Variants in BIRC3 observed in about 807,000 individuals in gnomAD.
The protein encoded by BIRC3 is baculoviral IAP repeat containing 3, also known as baculoviral IAP repeat-containing protein 3.
Under a neutral mutation model 59.0 loss-of-function variants are expected in BIRC3, and 26 were observed. The observed-to-expected ratio is 0.44, with a 90% CI of 0.32 to 0.61. The LOEUF is 0.61. Ranked by LOEUF, BIRC3 falls within the 20% of genes least tolerant of loss-of-function variation. BIRC3 has a pLI of 0.04. For missense variants in BIRC3, 641 were observed against 711.5 expected (o/e 0.90, Z 1.13); for synonymous variants, 243 against 249.2 (o/e 0.98, Z 0.24).
At chr11:102,326,859 C>T (rs1951087975) in intron 3 of BIRC3, 1 of 430,816 alleles carries the variant, frequency 2.3e-6, no homozygotes, top group Non-Finnish European at 4.7e-6. Context: ...CAGGTGCACG[C>T]TAGCATGCCC....
intron 1 of BIRC3, among the ~76,000 whole-genome samples, chr11:102,318,553 A>G (rs866529284): frequency 2.0e-5 from 3 of 152,218 alleles, no homozygotes; most frequent in South Asian, 2.1e-4. Context: ...TTGCCATTCT[A>G]AAAGAGCTTA....
In BIRC3 at chr11:102,337,160, T is replaced by C. The variant is rs1463866588; in HGVS notation, c.*58T>C. The C allele has an allele frequency of 7.9e-7, 1 of 1,262,328 alleles. No homozygotes were observed. The highest frequency in any genetic ancestry group is 1.0e-6 in the Non-Finnish European group (1 of 976,676). 78.2% of individuals were successfully genotyped at this position (1,262,328 alleles called of 1,614,324 possible). A position where few individuals can be genotyped will look rare whatever the true frequency, so the allele number is the denominator to read the frequency against. On this transcript the variant is annotated 3_prime_UTR_variant, in exon 9 of 9. Coordinates refer to ENST00000263464, the MANE Select transcript of BIRC3 (RefSeq NM_001165.5). ...TTAATTTATTAAATGTATTATAACTTTAACTTTTATCCTAATTTGGTTTCC... is the reference window on the plus strand; with the variant it reads ...TTAATTTATTAAATGTATTATAACTCTAACTTTTATCCTAATTTGGTTTCC...
rs1951035484 is a variant in BIRC3, at chr11:102,322,025, A to G, written c.-2485A>G. ...ACTATCCAAAGAATGCTAATTTTAT[A>G]AACATGATCGAGTTATATAAGGTAT... On this transcript the variant is annotated 5_prime_UTR_variant, in exon 2 of 9. In the 5' UTR this introduces an upstream ATG that the reference lacks. Transcript: ENST00000263464. 1 of 195,160 alleles carries G rather than the reference A, an allele frequency of 5.1e-6. No homozygotes were observed. The highest frequency in any genetic ancestry group is 1.9e-4 in the South Asian group (1 of 5,176). 12.1% of individuals were successfully genotyped at this position (195,160 alleles called of 1,614,324 possible). A position where few individuals can be genotyped will look rare whatever the true frequency, so the allele number is the denominator to read the frequency against.
chr11:102,327,583 T>C (rs1178620410), intron 3 of BIRC3, among the ~76,000 whole-genome samples: 12 of 151,708 alleles, frequency 7.9e-5, no homozygotes. Flanking sequence ...GAGGTTACAG[T>C]GAACTGAGAT....
intron 6 of BIRC3, among the ~76,000 whole-genome samples, chr11:102,331,555 G>GA (rs1565324164): frequency 6.6e-6 from 1 of 151,164 alleles, no homozygotes; most frequent in Admixed American, 6.6e-5. Flanking sequence ...TTAACGCTTT[G>GA]AAAATGGAAT....
intron 6 of BIRC3, among the ~76,000 whole-genome samples, chr11:102,333,163 G>T (rs1465016186): frequency 6.6e-6 from 1 of 152,096 alleles, no homozygotes; most frequent in Non-Finnish European, 1.5e-5. Context: ...TGTGTTGTGA[G>T]TGAGTGAATG....
At chr11:102,333,464 G>A (rs1779042423) in intron 6 of BIRC3, among the ~76,000 whole-genome samples, 1 of 151,972 alleles carries the variant, frequency 6.6e-6, no homozygotes, top group African/African-American at 2.4e-5. Flanking sequence ...TACTCAGGAG[G>A]CTGAGGTGGG....
chr11:102,336,572 T>C lies in BIRC3; in HGVS notation c.1580-188T>C, dbSNP rs1034786937. 1.1e-5 allele frequency: 7 copies of C among 630,950 alleles called. No individual in the cohort carries two copies. The African/African-American group carries it at 1.3e-4, about 12-fold the overall frequency. 39.1% of individuals were successfully genotyped at this position (630,950 alleles called of 1,614,324 possible). On this transcript the variant is annotated intron_variant, in intron 7 of 8. Coordinates refer to ENST00000263464, the MANE Select transcript of BIRC3 (RefSeq NM_001165.5). ...TTGTGCCACTGCACTCCAGCTTGGG[T>C]GACAGACTCTGTCTCAAAAAAAAAT... is the stretch of plus-strand genomic sequence containing the variant.
chr11:102,318,188 T>C (rs914713774), intron 1 of BIRC3, among the ~76,000 whole-genome samples: 15 of 152,252 alleles, frequency 9.9e-5, no homozygotes, highest in African/African-American at 3.4e-4. Flanking sequence ...CTCTGAAGAC[T>C]TTACATGTAT....
At position 102,338,714 on chromosome 11, in the gene BIRC3, AATTT is replaced by A. The variant is rs561864558; in HGVS notation, c.*1619_*1622del. On this transcript the variant is annotated 3_prime_UTR_variant, in exon 9 of 9. Transcript: ENST00000263464. ...TGCTATCAAGCAAGGTAGGTCAGAG[AATTT>A]ATTTATGGCCAGCTCTTACATAGTT... is the stretch of plus-strand genomic sequence containing the variant. 27 of 228,440 alleles carry A rather than the reference AATTT, an allele frequency of 1.2e-4. No homozygotes were observed. In the East Asian group the frequency reaches 1.6e-3, roughly 13 times the overall value. The allele number at this position is 228,440 out of a possible 1,614,324, so 14.2% of individuals were successfully genotyped here. A position where few individuals can be genotyped will look rare whatever the true frequency, so the allele number is the denominator to read the frequency against.
intron 6 of BIRC3, among the ~76,000 whole-genome samples, chr11:102,331,533 AT>A (rs142308654): frequency 5.0e-4 from 75 of 148,972 alleles, no homozygotes; most frequent in African/African-American, 1.4e-3. Flanking sequence ...TTCATGGCAC[AT>A]TTTTTTTTTC....
Position 102,324,598 on chromosome 11 carries a change from T to C in BIRC3, c.89T>C (p.Leu30Pro). 6.2e-7 allele frequency: 1 copy of C among 1,614,216 alleles called. No individual in the cohort carries two copies. The highest frequency in any genetic ancestry group is 8.5e-7 in the Non-Finnish European group (1 of 1,180,008). ...CTGAAATACGACTTGTCATGTGAAC[T>C]GTACCGAATGTCTACGTATTCCACT... Reference protein sequence around the residue: ...FELKYDLSCELYRMSTYSTFP... With the variant: ...FELKYDLSCEPYRMSTYSTFP... Residue 30 changes from leucine (L) to proline (P), a missense_variant, in exon 2 of 9, where the codon CTG becomes CCG. By Grantham distance (98) the Leu-to-Pro change is moderately conservative. Around this residue, in one of 4 missense-constraint regions of BIRC3, gnomAD observed 329 missense variants for 365.6 expected, o/e 0.90. Coordinates refer to ENST00000263464, the MANE Select transcript of BIRC3 (RefSeq NM_001165.5).
In BIRC3 at chr11:102,323,025, A is replaced by G. The variant is rs1034378375; in HGVS notation, c.-1485A>G. Reference sequence around the variant, plus strand: ...CTAAATTGATGCAATTTGATTATCCATCTTAGCCTACAGATGGCATCTGGT... The same window carrying G: ...CTAAATTGATGCAATTTGATTATCCGTCTTAGCCTACAGATGGCATCTGGT... On this transcript the variant is annotated 5_prime_UTR_variant, in exon 2 of 9. Transcript: ENST00000263464. 1 of 200,138 alleles carries G rather than the reference A, an allele frequency of 5.0e-6. No homozygotes were observed. Among genetic ancestry groups the G allele is most frequent in the African/African-American group, 2.3e-5 (1 of 43,530 alleles). 12.4% of individuals were successfully genotyped at this position (200,138 alleles called of 1,614,324 possible).
At position 102,332,340 on chromosome 11, in the gene BIRC3, G is replaced by A. The variant is rs572525547; in HGVS notation, c.1324+1099G>A. The stretch of plus-strand genomic sequence containing the variant: ...CTGCAACTTTTAACAAGCTCTTACT[G>A]GAGACTTAAGGAAAACGGAAGGGAA... On this transcript the variant is annotated intron_variant, in intron 6 of 8. Transcript: ENST00000263464. Among the ~76,000 whole-genome samples, 10 of 152,232 alleles carry A rather than the reference G, an allele frequency of 6.6e-5. No homozygotes were observed. The East Asian group carries it at 1.7e-3, about 26-fold the overall frequency.
At position 102,317,588 on chromosome 11, in the gene BIRC3, G is replaced by GGTGTGTGTGTGTGTGT. The variant is rs57970279; in HGVS notation, c.-2674+23_-2674+38dup. ...GGGCAGCAGGTGGGCAAGGAAGGCT[G>GGTGTGTGTGTGTGTGT]GTGTGTGTGTGTGTGTGTGTGCGTG... On this transcript the variant is annotated intron_variant, in intron 1 of 8. Transcript: ENST00000263464. 1 of 151,006 alleles carries GGTGTGTGTGTGTGTGT rather than the reference G, an allele frequency of 6.6e-6. No individual in the cohort carries two copies. Among genetic ancestry groups the GGTGTGTGTGTGTGTGT allele is most frequent in the Non-Finnish European group, 1.5e-5 (1 of 68,128 alleles). The allele number at this position is 151,006 out of a possible 1,614,324, so 9.4% of individuals were successfully genotyped here.
At position 102,336,105 on chromosome 11, in the gene BIRC3, G is replaced by A. The variant is rs761531393; in HGVS notation, c.1464G>A (p.Thr488=). 16 of 1,613,702 alleles carry A rather than the reference G, an allele frequency of 9.9e-6. No individual in the cohort carries two copies. Among genetic ancestry groups the A allele is most frequent in the African/African-American group, 2.7e-5 (2 of 74,868 alleles). The change falls in exon 7 of 9, where the codon ACG becomes ACA. Residue 488 remains threonine, a synonymous_variant. Coordinates refer to ENST00000263464, the MANE Select transcript of BIRC3 (RefSeq NM_001165.5). ...EHDVIKQKTQ[T]SLQARELIDT... is the part of the protein sequence containing the mutation. ...ATGTTATTAAACAGAAGACACAGAC[G>A]TCTTTACAAGCAAGAGAACTGATTG...
rs1951035320 is a variant in BIRC3 at position 102,322,016 on chromosome 11, T to A, written c.-2494T>A. 5.1e-6 allele frequency: 1 copy of A among 194,400 alleles called. No homozygotes were observed. The allele number at this position is 194,400 out of a possible 1,614,324, so 12.0% of individuals were successfully genotyped here. ...TGGTGTTTTACTATCCAAAGAATGC[T>A]AATTTTATAAACATGATCGAGTTAT... On this transcript the variant is annotated 5_prime_UTR_variant, in exon 2 of 9. Coordinates refer to ENST00000263464, the MANE Select transcript of BIRC3 (RefSeq NM_001165.5).
At chr11:102,319,532 C>T (rs545981394) in intron 1 of BIRC3, among the ~76,000 whole-genome samples, 1 of 152,330 alleles carries the variant, frequency 6.6e-6, no homozygotes, top group East Asian at 1.9e-4. Flanking sequence ...AAGTCTTTAA[C>T]TGAGACAGCA....
At position 102,324,257 on chromosome 11, in the gene BIRC3, C is replaced by T. The variant is rs1951059391; in HGVS notation, c.-253C>T. On this transcript the variant is annotated 5_prime_UTR_variant, in exon 2 of 9. Coordinates refer to ENST00000263464, the MANE Select transcript of BIRC3 (RefSeq NM_001165.5). Reference sequence around the variant, plus strand: ...GGGTTTTAATTTTCAACACAGCTTACTCTGTAGCATCATGTTTACATTGTA... The same window carrying T: ...GGGTTTTAATTTTCAACACAGCTTATTCTGTAGCATCATGTTTACATTGTA... 1 of 351,194 alleles carries T rather than the reference C, an allele frequency of 2.8e-6. No individual in the cohort carries two copies. The highest frequency in any genetic ancestry group is 5.1e-6 in the Non-Finnish European group (1 of 196,666). 21.8% of individuals were successfully genotyped at this position (351,194 alleles called of 1,614,324 possible). A position where few individuals can be genotyped will look rare whatever the true frequency, so the allele number is the denominator to read the frequency against.
Sources: gnomAD v4.1 joint callset for allele counts (sites outside exome capture counted in the v4.1 genomes callset) on GRCh38, gnomAD v4.1.1 for gene constraint, gnomAD v4.1.1 regional missense constraint, MANE v1.5 for transcripts, NCBI Gene and HGNC (gene_info 2026-07-23, HGNC 2026-07-21) for gene names.